The following MICAL2 variants were observed in gnomAD, a reference collection of about 807,000 sequenced individuals.
MICAL2 encodes the protein [F-actin]-monooxygenase MICAL2.
MICAL2 carries 77 observed loss-of-function variants against 127.3 expected under a neutral mutation model. The observed-to-expected ratio is 0.60, with a 90% confidence interval of 0.50 to 0.73. The LOEUF (loss-of-function observed/expected upper bound fraction) is 0.73, where lower values mean the gene tolerates loss of function less well. MICAL2 is among the 30% of genes least tolerant of loss of function. The probability of loss-of-function intolerance (pLI) is 0.00; values close to 1 mark genes in which losing one functional copy is unlikely to be tolerated. For synonymous variants in MICAL2, 570 were observed against 551.1 expected (o/e 1.03, Z -0.48); for missense variants, 1,351 against 1,434.4 (o/e 0.94, Z 0.94).
intron 34 of MICAL2, among the ~76,000 whole-genome samples, chr11:12,357,951 T>C (rs1446840772): frequency 6.6e-6 from 1 of 152,236 alleles, no homozygotes; most frequent in Non-Finnish European, 1.5e-5. Context: ...GCTATGTTTA[T>C]GGAAACCGCC....
At chr11:12,335,666 A>G (rs1190975006) in intron 32 of MICAL2, among the ~76,000 whole-genome samples, 1 of 152,168 alleles carries the variant, frequency 6.6e-6, no homozygotes, top group East Asian at 1.9e-4. Flanking sequence ...TCAGCTTTCT[A>G]CATATGGCTA....
intron 9 of MICAL2, among the ~76,000 whole-genome samples, chr11:12,221,100 G>A (rs1467909075): frequency 1.3e-5 from 2 of 152,148 alleles, no homozygotes; most frequent in Admixed American, 1.3e-4. Context: ...GGGCACTATT[G>A]TGCATGGACT....
upstream of MICAL2, chr11:12,276,072 T>C: frequency 2.5e-6 from 1 of 399,176 alleles, no homozygotes; most frequent in Non-Finnish European, 4.4e-6. Flanking sequence ...TCCCCTGCCC[T>C]CCGAGTGGAC....
chr11:12,352,922 C>T (rs542361919), intron 33 of MICAL2, among the ~76,000 whole-genome samples: 7 of 152,292 alleles, frequency 4.6e-5, no homozygotes, highest in South Asian at 2.1e-4. Context: ...CAGGCAGGAA[C>T]GGGGCAACTG....
chr11:12,289,395 T>C (rs1415642375), downstream of MICAL2, among the ~76,000 whole-genome samples: 1 of 152,176 alleles, frequency 6.6e-6, no homozygotes, highest in African/African-American at 2.4e-5. Context: ...GGAGAAATCC[T>C]GGCTGGGTAG....
At chr11:12,294,799 T>TCCG (rs758782580), downstream of MICAL2, 1 of 1,324,184 alleles carries the variant, frequency 7.6e-7, no homozygotes, top group African/African-American at 1.7e-5. Flanking sequence ...GCCAGGCAGC[T>TCCG]CCTCCTCCTC....
At chr11:12,245,447 T>G (rs143314995) in intron 21 of MICAL2, among the ~76,000 whole-genome samples, 56 of 152,314 alleles carry the variant, frequency 3.7e-4, no homozygotes, top group African/African-American at 1.3e-3. Flanking sequence ...TCCACCTCTG[T>G]GAGGAGAACG....
chr11:12,283,226 A>C (rs148046348), intron 2 of MICAL2, among the ~76,000 whole-genome samples: 10 of 151,496 alleles, frequency 6.6e-5, no homozygotes, highest in African/African-American at 2.4e-4. Context: ...TGTGGGTTTT[A>C]TGGAGCTTCA....
At position 12,226,223 on chromosome 11, in the gene MICAL2, T is replaced by A. The variant is rs146600661; in HGVS notation, c.1741T>A (p.Phe581Ile). 1.9e-3 allele frequency: 2,995 copies of A among 1,614,236 alleles called. 47 individuals are homozygous for A. The African/African-American group carries it at 0.031, about 17-fold the overall frequency. ...TGCTGTGGAGAACAACCAGCTCGCA[T>A]TTGATGTGGCCGAGCGAGAGTTTGG... ...DDAVENNQLAFDVAEREFGIP... is the reference protein window; with the variant it reads ...DDAVENNQLAIDVAEREFGIP... The change falls in exon 14 of 28, where the codon TTT becomes ATT. Residue 581 changes from phenylalanine (F) to isoleucine (I), a missense_variant. By Grantham distance (21) the Phe-to-Ile change is conservative. Transcript: ENST00000683283.
rs573574050 is a variant in MICAL2 at position 12,323,520 on chromosome 11, G to A, written c.5329-458G>A. On this transcript the variant is annotated intron_variant, in intron 30 of 34. Coordinates refer to the MICAL2 transcript ENST00000646065. ...AAGCCCCTCATCCCTGGGCCATATC[G>A]TAGCACCCCTGTAAAGTATAATTCT... is the stretch of plus-strand genomic sequence containing the variant. Among the ~76,000 whole-genome samples the A allele has an allele frequency of 1.1e-4, 16 of 151,990 alleles. No individual in the cohort carries two copies. The South Asian group carries it at 2.3e-3, about 22-fold the overall frequency.
In MICAL2 at chr11:12,241,025, C is replaced by T; in HGVS notation, c.2215-15C>T. ...TCCTGTGGCTGCTTTTTTGGACTCG[C>T]CTTTCTTCTCCCAGGAACGCCGTGT... On this transcript the variant is annotated splice_polypyrimidine_tract_variant and intron_variant, in intron 17 of 27. Coordinates refer to ENST00000683283, the MANE Select transcript of MICAL2 (RefSeq NM_001282663.2). 6.2e-7 allele frequency: 1 copy of T among 1,612,178 alleles called. No individual in the cohort carries two copies. Among genetic ancestry groups the T allele is most frequent in the Non-Finnish European group, 8.5e-7 (1 of 1,179,208 alleles).
At chr11:12,319,402 G>T (rs1282624479) in intron 29 of MICAL2, among the ~76,000 whole-genome samples, 3 of 151,290 alleles carry the variant, frequency 2.0e-5, no homozygotes, top group African/African-American at 7.3e-5. Flanking sequence ...CATATAAATG[G>T]TGTTTAAGGA....
chr11:12,247,707 A>G (rs970744473), intron 21 of MICAL2, among the ~76,000 whole-genome samples: 7 of 152,252 alleles, frequency 4.6e-5, no homozygotes, highest in African/African-American at 1.7e-4. Flanking sequence ...GGCTTTGCAC[A>G]TGCAGAATTT....
At chr11:12,159,235 G>T (rs1157225648) in intron 2 of MICAL2, among the ~76,000 whole-genome samples, 1 of 152,204 alleles carries the variant, frequency 6.6e-6, no homozygotes, top group Non-Finnish European at 1.5e-5. Flanking sequence ...AGGAGGGGTG[G>T]CCATTGATTG....
intron 2 of MICAL2, among the ~76,000 whole-genome samples, chr11:12,148,556 G>A (rs888141342): frequency 6.6e-6 from 1 of 151,994 alleles, no homozygotes; most frequent in African/African-American, 2.4e-5. Context: ...GAAGTGGCAG[G>A]GTTGTTGACA....
chr11:12,241,207 G>A, intron 18 of MICAL2, 45 bp downstream of exon 18: 1 of 1,588,718 alleles, frequency 6.3e-7, no homozygotes, highest in South Asian at 1.1e-5. Flanking sequence ...AGCCAGAGGG[G>A]ACTTTGATCC....
chr11:12,255,207 C>G (rs1862160381), intron 22 of MICAL2: 1 of 168,680 alleles, frequency 5.9e-6, no homozygotes, highest in African/African-American at 2.4e-5. Context: ...CGTGAGCCAC[C>G]ACACCCGGCC....
rs147757878 is a variant in MICAL2 at position 12,162,922 on chromosome 11, A to T, written c.264+503A>T. On this transcript the variant is annotated intron_variant, in intron 3 of 27. Transcript: ENST00000683283. ...CTAAATCTCAGGGAGAGGCATAGTT[A>T]CAGAGTTGTGTTCGCCTGGGTGTGG... 6.6e-3 allele frequency among the ~76,000 whole-genome samples: 999 copies of T among 152,308 alleles called. 47 individuals are homozygous for T. Among genetic ancestry groups the T allele is most frequent in the Admixed American group, 0.057 (874 of 15,292 alleles).
chr11:12,114,822 T>C (rs550641857), intron 1 of MICAL2, among the ~76,000 whole-genome samples: 1 of 152,350 alleles, frequency 6.6e-6, no homozygotes, highest in African/African-American at 2.4e-5. Context: ...AACTATCTGC[T>C]GCTCCCCCTC....
Sources: gnomAD v4.1 joint callset for allele counts (sites outside exome capture counted in the v4.1 genomes callset) on GRCh38, gnomAD v4.1.1 for gene constraint, MANE v1.5 for transcripts, NCBI Gene and HGNC (gene_info 2026-07-23, HGNC 2026-07-21) for gene names.